MYLK: variants seen among roughly 807,000 people sequenced by gnomAD.
The protein encoded by MYLK is myosin light chain kinase.
A neutral mutation model predicts 203.4 loss-of-function variants in MYLK; 106 were observed. That is an observed-to-expected ratio of 0.52 (90% CI 0.45 to 0.61). The LOEUF is 0.61. Among genes scored for constraint, MYLK ranks in the 20% least tolerant of loss-of-function variants. MYLK has a pLI of 0.00. For missense variants in MYLK, 2,072 were observed against 2,442.3 expected (o/e 0.85, Z 3.20); for synonymous variants, 867 against 959.5 (o/e 0.90, Z 1.78).
At chr3:123,745,271 C>A (rs2062981421) in intron 5 of MYLK, among the ~76,000 whole-genome samples, 1 of 152,060 alleles carries the variant, frequency 6.6e-6, no homozygotes, top group Admixed American at 6.5e-5. Context: ...CTAAATCCAG[C>A]AACACTCCCA....
intron 20 of MYLK, among the ~76,000 whole-genome samples, chr3:123,672,046 G>A (rs1240718222): frequency 6.6e-6 from 1 of 152,090 alleles, no homozygotes; most frequent in Non-Finnish European, 1.5e-5. Flanking sequence ...AAATTCACAT[G>A]TTGAAGCTCT....
intron 1 of MYLK, among the ~76,000 whole-genome samples, chr3:123,879,818 C>T (rs2033410333): frequency 6.6e-6 from 1 of 152,186 alleles, no homozygotes; most frequent in South Asian, 2.1e-4. Flanking sequence ...CCACACCTGG[C>T]TAATTTTTTG....
At chr3:123,672,284 G>A (rs2059940306) in intron 20 of MYLK, among the ~76,000 whole-genome samples, 1 of 151,948 alleles carries the variant, frequency 6.6e-6, no homozygotes. Context: ...GAGAGCGAGA[G>A]AGACCAGACA....
intron 3 of MYLK, among the ~76,000 whole-genome samples, chr3:123,807,365 G>T (rs1026672074): frequency 6.6e-6 from 1 of 151,844 alleles, no homozygotes; most frequent in Non-Finnish European, 1.5e-5. Context: ...GGAGGCAGAG[G>T]TTGCAGTGGG....
intron 2 of MYLK, among the ~76,000 whole-genome samples, chr3:123,839,063 C>T (rs1376033475): frequency 6.6e-6 from 1 of 152,128 alleles, no homozygotes; most frequent in Non-Finnish European, 1.5e-5. Context: ...CACTGCACTC[C>T]AGCCTGGGCA....
chr3:123,732,209 AG>A (rs1475156874), intron 11 of MYLK, among the ~76,000 whole-genome samples: 2 of 152,224 alleles, frequency 1.3e-5, no homozygotes, highest in Non-Finnish European at 2.9e-5. Flanking sequence ...TATTTATCAT[AG>A]GTATGTTATA....
rs2057284641 is a variant in MYLK at position 123,612,875 on chromosome 3, A to G, written c.*1230T>C. ...ACAGAGGAAATGTATTAGGTCTATCATCAATTATGGTCTTTGTTTATGACC... is the reference window on the plus strand; with the variant it reads ...ACAGAGGAAATGTATTAGGTCTATCGTCAATTATGGTCTTTGTTTATGACC... On this transcript the variant is annotated 3_prime_UTR_variant, in exon 34 of 34. Transcript: ENST00000360304. 1 of 152,664 alleles carries G rather than the reference A, an allele frequency of 6.6e-6. No homozygotes were observed. Among genetic ancestry groups the G allele is most frequent in the Admixed American group, 6.5e-5 (1 of 15,280 alleles). 9.5% of individuals were successfully genotyped at this position (152,664 alleles called of 1,614,324 possible).
In MYLK at chr3:123,652,067, T is replaced by C. The variant is rs1005412403; in HGVS notation, c.4289-2873A>G. Among the ~76,000 whole-genome samples, 3 of 152,020 alleles carry C rather than the reference T, an allele frequency of 2.0e-5. No individual in the cohort carries two copies. In the South Asian group the frequency reaches 6.2e-4, roughly 32 times the overall value. On this transcript the variant is annotated intron_variant, in intron 24 of 33. Transcript: ENST00000360304. Reference sequence around the variant, plus strand: ...TTCAAATCCAGCCTGTGCAACAGAGTGAGACCCGATCTCTTTAAAAAAGAG... The same window carrying C: ...TTCAAATCCAGCCTGTGCAACAGAGCGAGACCCGATCTCTTTAAAAAAGAG...
At chr3:123,624,952 T>C (rs1208781323) in intron 31 of MYLK, 1 of 152,238 alleles carries the variant, frequency 6.6e-6, no homozygotes, top group Non-Finnish European at 1.5e-5. Context: ...CCTGGTGTGG[T>C]AAATGACCAG....
chr3:123,793,398 A>T (rs1284445772), intron 4 of MYLK, among the ~76,000 whole-genome samples: 1 of 152,150 alleles, frequency 6.6e-6, no homozygotes, highest in Non-Finnish European at 1.5e-5. Flanking sequence ...TTTTTCTGTA[A>T]TTATATAGCA....
intron 31 of MYLK, among the ~76,000 whole-genome samples, chr3:123,626,616 C>T (rs914962857): frequency 6.6e-6 from 1 of 152,188 alleles, no homozygotes; most frequent in Non-Finnish European, 1.5e-5. Flanking sequence ...AGAATCCATC[C>T]CATCTCCTTG....
chr3:123,758,529 T>G (rs2063432260), intron 4 of MYLK, among the ~76,000 whole-genome samples: 1 of 152,102 alleles, frequency 6.6e-6, no homozygotes, highest in Admixed American at 6.5e-5. Flanking sequence ...GATCAGCCAC[T>G]CTCACTTCCT....
At chr3:123,767,837 C>G (rs997215512) in intron 4 of MYLK, among the ~76,000 whole-genome samples, 1 of 152,184 alleles carries the variant, frequency 6.6e-6, no homozygotes, top group African/African-American at 2.4e-5. Context: ...TGAGAGAGGC[C>G]TGGTGGCCCT....
chr3:123,668,618 G>A lies in MYLK; in HGVS notation c.3653-1431C>T, dbSNP rs140162808. Among the ~76,000 whole-genome samples, 305 of 152,104 alleles carry A rather than the reference G, an allele frequency of 2.0e-3. 1 individual carries two copies. The highest frequency in any genetic ancestry group is 6.7e-3 in the African/African-American group (276 of 41,478). Reference sequence around the variant, plus strand: ...ATGACATTAATTTATCAAGACTCACGGAACTGTGCACCAAAGAGGGTGAAG... The same window carrying A: ...ATGACATTAATTTATCAAGACTCACAGAACTGTGCACCAAAGAGGGTGAAG... On this transcript the variant is annotated intron_variant, in intron 20 of 33. Coordinates refer to ENST00000360304, the MANE Select transcript of MYLK (RefSeq NM_053025.4).
intron 4 of MYLK, among the ~76,000 whole-genome samples, chr3:123,779,270 C>G (rs145051215): frequency 6.6e-6 from 1 of 152,214 alleles, no homozygotes; most frequent in Admixed American, 6.5e-5. Context: ...CTGGGCCCAA[C>G]GTCCCCTTGC....
intron 4 of MYLK, among the ~76,000 whole-genome samples, chr3:123,780,921 A>G (rs887206548): frequency 2.7e-4 from 41 of 152,210 alleles, no homozygotes; most frequent in African/African-American, 9.2e-4. Context: ...ACAGTACAGG[A>G]AAGCCCCAGG....
chr3:123,840,682 G>A (rs1362555442), intron 2 of MYLK, among the ~76,000 whole-genome samples: 2 of 151,560 alleles, frequency 1.3e-5, no homozygotes, highest in East Asian at 1.9e-4. Flanking sequence ...ATCAAATTCA[G>A]CAATATATTT....
rs566935024 is a variant in MYLK, at chr3:123,772,988, A to G, written c.166-20450T>C. On this transcript the variant is annotated intron_variant, in intron 4 of 33. Transcript: ENST00000360304. ...TTTAACAATTTGGAAATAGCTATCC[A>G]AAGACTTAAAAAGATTCAATAATTC... is the stretch of plus-strand genomic sequence containing the variant. Among the ~76,000 whole-genome samples the G allele has an allele frequency of 3.9e-5, 6 of 152,172 alleles. No homozygotes were observed. In the East Asian group the frequency reaches 1.2e-3, roughly 29 times the overall value.
intron 18 of MYLK, among the ~76,000 whole-genome samples, chr3:123,693,799 G>A (rs146660845): frequency 2.0e-5 from 3 of 152,348 alleles, no homozygotes; most frequent in Admixed American, 1.3e-4. Context: ...AGGCAGAAGG[G>A]CAGCAGTTCC....
Sources: allele counts gnomAD v4.1 joint callset (sites outside exome capture counted in the v4.1 genomes callset), GRCh38; gene constraint gnomAD v4.1.1; transcripts MANE v1.5; gene names NCBI Gene and HGNC (gene_info 2026-07-23, HGNC 2026-07-21).